Variants in PLXNB1 observed in about 807,000 individuals in gnomAD.
PLXNB1 encodes the protein plexin-B1.
A neutral mutation model predicts 209.4 loss-of-function variants in PLXNB1; 106 were observed. The observed-to-expected ratio is 0.51, with a 90% CI of 0.43 to 0.59. PLXNB1 has a LOEUF of 0.59. Ranked by LOEUF, PLXNB1 falls within the 20% of genes least tolerant of loss-of-function variation. The pLI, the probability that PLXNB1 is intolerant of heterozygous loss-of-function variation, is 0.00. For synonymous variants in PLXNB1, 1,167 were observed against 1,183.2 expected, an observed-to-expected ratio of 0.99 and a Z score of 0.28; for missense variants, 2,357 against 2,853.2, an observed-to-expected ratio of 0.83 and a Z score of 3.96.
At position 48,410,368 on chromosome 3, in the gene PLXNB1, C is replaced by T. The variant is rs1303550336; in HGVS notation, c.5533G>A (p.Ala1845Thr). 1.2e-6 allele frequency: 2 copies of T among 1,613,438 alleles called. No individual in the cohort carries two copies. Among genetic ancestry groups the T allele is most frequent in the African/African-American group, 2.7e-5 (2 of 74,902 alleles). The change falls in exon 31 of 38, where the codon GCA becomes ACA. Residue 1845 changes from alanine (A) to threonine (T), a missense_variant. Ala to Thr is a moderately conservative substitution (Grantham distance 58). This residue lies in a region of PLXNB1 where 414 missense variants were observed against 520.5 expected (regional missense o/e 0.80). Coordinates refer to ENST00000296440, the MANE Select transcript of PLXNB1 (RefSeq NM_001130082.3). The surrounding 1 kb of genome is among the most constrained non-coding windows in gnomAD (Gnocchi z 6.4). ...TLQHYKVPDGATVALVPCLTK... is the reference protein window; with the variant it reads ...TLQHYKVPDGTTVALVPCLTK... ...AGGCAGGGGACGAGGGCCACAGTTG[C>T]TCCATCTGGGACCTGCTGAGCACAG...
At chr3:48,422,997 G>A (rs745377795) in intron 3 of PLXNB1, 50 bp from the exon 4 acceptor site, 22 of 1,536,120 alleles carry the variant, frequency 1.4e-5, no homozygotes, top group Admixed American at 1.0e-4. Flanking sequence ...TAACCTCCTC[G>A]GCCGCATCGT....
In PLXNB1 at chr3:48,405,368, A is replaced by T. The variant is rs928325197; in HGVS notation, c.6303+356T>A. On this transcript the variant is annotated intron_variant, in intron 37 of 37. Transcript: ENST00000296440. The surrounding 1 kb of genome is among the most constrained non-coding windows in gnomAD (Gnocchi z 5.0). ...GCCTGGACTCTCCTCTTCGCAGCTC[A>T]TGCAGCCAAGCCAGGCCTGCACTTG... is the stretch of plus-strand genomic sequence containing the variant. 6.6e-6 allele frequency among the ~76,000 whole-genome samples: 1 copy of T among 152,160 alleles called. No individual in the cohort carries two copies. Among genetic ancestry groups the T allele is most frequent in the African/African-American group, 2.4e-5 (1 of 41,446 alleles).
At position 48,415,175 on chromosome 3, in the gene PLXNB1, C is replaced by T. The variant is rs200152957; in HGVS notation, c.3966+1G>A. 6 of 1,610,958 alleles carry T rather than the reference C, an allele frequency of 3.7e-6. No homozygotes were observed. The African/African-American group carries it at 8.0e-5, about 21-fold the overall frequency. ...TGTGGGGGTACCCAAGGGTGTCCTA[C>T]TTGCTGGCTACTGCAGGAGGGTCCA... is the stretch of plus-strand genomic sequence containing the variant. On this transcript the variant is annotated splice_donor_variant, in intron 20 of 37. Coordinates refer to ENST00000296440, the MANE Select transcript of PLXNB1 (RefSeq NM_001130082.3). LOFTEE classifies it high-confidence loss of function. The surrounding 1 kb of genome is among the most constrained non-coding windows in gnomAD (Gnocchi z 5.0).
Position 48,410,350 on chromosome 3 carries a change from G to A in PLXNB1, c.5551C>T (p.Pro1851Ser). The change falls in exon 31 of 38, where the codon CCC (proline) becomes TCC (serine). Residue 1851 changes from proline to serine, a missense_variant. This residue lies in a region of PLXNB1 where 414 missense variants were observed against 520.5 expected (regional missense o/e 0.80). Coordinates refer to ENST00000296440, the MANE Select transcript of PLXNB1 (RefSeq NM_001130082.3). The surrounding 1 kb of genome is among the most constrained non-coding windows in gnomAD (Gnocchi z 6.4). ...CGGAGCACATGCTTGGTGAGGCAGG[G>A]GACGAGGGCCACAGTTGCTCCATCT... ...VPDGATVALV[P>S]CLTKHVLREN... The A allele has an allele frequency of 6.2e-7, 1 of 1,613,430 alleles. No individual in the cohort carries two copies. Among genetic ancestry groups the A allele is most frequent in the Non-Finnish European group, 8.5e-7 (1 of 1,179,594 alleles).
intron 6 of PLXNB1, 37 bp from the exon 7 acceptor site, chr3:48,421,843 TG>T: frequency 6.3e-7 from 1 of 1,578,602 alleles, no homozygotes. Context: ...GTGACCCTCA[TG>T]GGCCACTGGG....
In PLXNB1 at chr3:48,405,490, C is replaced by G. The variant is rs577463283; in HGVS notation, c.6303+234G>C. On this transcript the variant is annotated intron_variant, in intron 37 of 37. Transcript: ENST00000296440. This position sits in a 1 kb window ranked among gnomAD's most constrained non-coding sequence, Gnocchi z 5.0. ...GGCCCCCACAACCACCAGCACTGTG[C>G]CTCGCCGTCCTGCTGGGGAGCTGGA... Among the ~76,000 whole-genome samples the G allele has an allele frequency of 2.5e-4, 38 of 152,338 alleles. 1 individual carries two copies. In the South Asian group the frequency reaches 7.2e-3, roughly 29 times the overall value.
At position 48,416,488 on chromosome 3, in the gene PLXNB1, C is replaced by T; in HGVS notation, c.3375-37G>A. ...GGGCAGGCTAGGGGGTGCCAGGCTG[C>T]ATCAAGGGCCCCTCAAGCTTACCTG... On this transcript the variant is annotated intron_variant, in intron 16 of 37. Transcript: ENST00000296440. This position sits in a 1 kb window ranked among gnomAD's most constrained non-coding sequence, Gnocchi z 4.1. The T allele has an allele frequency of 6.9e-7, 1 of 1,442,524 alleles. No homozygotes were observed. The highest frequency in any genetic ancestry group is 9.6e-7 in the Non-Finnish European group (1 of 1,038,198). 89.4% of individuals were successfully genotyped at this position (1,442,524 alleles called of 1,614,324 possible). A position where few individuals can be genotyped will look rare whatever the true frequency, so the allele number is the denominator to read the frequency against.
In PLXNB1 at chr3:48,418,578, G is replaced by A. The variant is rs1299293448; in HGVS notation, c.2956-36C>T. The stretch of plus-strand genomic sequence containing the variant: ...GGGAGTGGGTTCAGAGTCAAGCACT[G>A]GGGGAAGTGTCAGGCCTGGGGAGGG... On this transcript the variant is annotated intron_variant, in intron 13 of 37. Transcript: ENST00000296440. This position sits in a 1 kb window ranked among gnomAD's most constrained non-coding sequence, Gnocchi z 6.6. The A allele has an allele frequency of 3.3e-6, 5 of 1,527,222 alleles. No individual in the cohort carries two copies. Among genetic ancestry groups the A allele is most frequent in the Non-Finnish European group, 3.6e-6 (4 of 1,120,996 alleles). The allele number at this position is 1,527,222 out of a possible 1,614,324, so 94.6% of individuals were successfully genotyped here.
Position 48,419,358 on chromosome 3 carries a change from C to T in PLXNB1, c.2718G>A (p.Ala906=), listed in dbSNP as rs761706218. 14 of 1,562,788 alleles carry T rather than the reference C, an allele frequency of 9.0e-6. No individual in the cohort carries two copies. The highest frequency in any genetic ancestry group is 3.7e-5 in the Admixed American group (2 of 53,834). Residue 906 remains alanine (A), a synonymous_variant, in exon 12 of 38, where the codon GCG becomes GCA. Coordinates refer to ENST00000296440, the MANE Select transcript of PLXNB1 (RefSeq NM_001130082.3). The surrounding 1 kb of genome is among the most constrained non-coding windows in gnomAD (Gnocchi z 5.7). ...DTPGLWELEE[A]TLGASSCPCV... ...AGGGGCAGGAGCTTGCCCCCAAGGT[C>T]GCCTCTTCCTGCAGGCACCAAGGGC...
rs2037290196 is a variant in PLXNB1, at chr3:48,405,866, G to A, written c.6229-68C>T. On this transcript the variant is annotated intron_variant, in intron 36 of 37. Transcript: ENST00000296440. The surrounding 1 kb of genome is among the most constrained non-coding windows in gnomAD (Gnocchi z 5.0). ...CAGAGAGCCACAGGAGGCAGCCCAG[G>A]ACCCCAGGGAAGGGCTGGGGGAGAA... is the stretch of plus-strand genomic sequence containing the variant. 7.7e-7 allele frequency: 1 copy of A among 1,301,812 alleles called. No homozygotes were observed. The highest frequency in any genetic ancestry group is 1.2e-5 in the South Asian group (1 of 83,514). 80.6% of individuals were successfully genotyped at this position (1,301,812 alleles called of 1,614,324 possible). A position where few individuals can be genotyped will look rare whatever the true frequency, so the allele number is the denominator to read the frequency against.
rs762123376 is a variant in PLXNB1 at position 48,410,295 on chromosome 3, C to T, written c.5605+1G>A. 9 of 1,604,134 alleles carry T rather than the reference C, an allele frequency of 5.6e-6. No individual in the cohort carries two copies. Among genetic ancestry groups the T allele is most frequent in the African/African-American group, 1.3e-5 (1 of 74,968 alleles). ...AGGACCGTGATGGGAGCGGTACTCA[C>T]GCTCTCCAGGGACATAATCCTGGTT... On this transcript the variant is annotated splice_donor_variant, in intron 31 of 37. Transcript: ENST00000296440. LOFTEE classifies it high-confidence loss of function. This position sits in a 1 kb window ranked among gnomAD's most constrained non-coding sequence, Gnocchi z 6.4.
intron 6 of PLXNB1, 82 bp from the exon 7 acceptor site, chr3:48,421,888 G>A: frequency 6.5e-7 from 1 of 1,531,722 alleles, no homozygotes; most frequent in Non-Finnish European, 8.8e-7. Flanking sequence ...CAATCTGGAG[G>A]ACCTGGGCAG....
Position 48,424,081 on chromosome 3 carries a change from C to G in PLXNB1, c.531G>C (p.Val177=), listed in dbSNP as rs371214649. The stretch of plus-strand genomic sequence containing the variant: ...TTGTGATGGGTGGAATGCCACCCCC[C>G]ACACCCCTGCTGGTGTATCCTCGCC... ...FVGRGYTSRG[V]GGGIPPITTR... is the part of the protein sequence containing the mutation. The change falls in exon 3 of 38, where the codon GTG becomes GTC. Residue 177 remains valine (V), a synonymous_variant. Transcript: ENST00000296440. The G allele has an allele frequency of 3.1e-5, 48 of 1,567,742 alleles. No homozygotes were observed. Among genetic ancestry groups the G allele is most frequent in the Middle Eastern group, 1.9e-4 (1 of 5,206 alleles).
At position 48,409,007 on chromosome 3, in the gene PLXNB1, C is replaced by A. The variant is rs1170939787; in HGVS notation, c.6087+322G>T. Reference sequence around the variant, plus strand: ...GTCACATAACTTCCCTGTTCCCAGACCTTCTGTGGCTCCCACTGCCCCAGG... The same window carrying A: ...GTCACATAACTTCCCTGTTCCCAGAACTTCTGTGGCTCCCACTGCCCCAGG... On this transcript the variant is annotated intron_variant, in intron 34 of 37. Coordinates refer to ENST00000296440, the MANE Select transcript of PLXNB1 (RefSeq NM_001130082.3). The surrounding 1 kb of genome is among the most constrained non-coding windows in gnomAD (Gnocchi z 5.8). 2.6e-5 allele frequency among the ~76,000 whole-genome samples: 4 copies of A among 152,232 alleles called. No individual in the cohort carries two copies. The highest frequency in any genetic ancestry group is 1.9e-4 in the East Asian group (1 of 5,200).
In PLXNB1 at chr3:48,424,264, CT is replaced by C. The variant is rs2038757191; in HGVS notation, c.347del (p.Gln116ArgfsTer41). On this transcript the variant is annotated frameshift_variant, in exon 3 of 38. Transcript: ENST00000296440. LOFTEE classifies it high-confidence loss of function. ...GALVVCGSVH[Q>X]GVCEQRRLGQ... is the part of the protein sequence containing the mutation. The stretch of plus-strand genomic sequence containing the variant: ...CCAGGCGCCGCTGTTCACAGACCCC[CT>C]GGTGCACGCTCCCGCATACCACCAG... The C allele has an allele frequency of 1.3e-6, 2 of 1,596,878 alleles. No individual in the cohort carries two copies. The highest frequency in any genetic ancestry group is 1.3e-5 in the African/African-American group (1 of 74,572).
chr3:48,418,636 A>G lies in PLXNB1; in HGVS notation c.2956-94T>C. The stretch of plus-strand genomic sequence containing the variant: ...AGAGAAAGGACTAAAACGACCAGTT[A>G]GGAGCATAGGGTCAGAGGGACCCCA... On this transcript the variant is annotated intron_variant, in intron 13 of 37. Transcript: ENST00000296440. The surrounding 1 kb of genome is among the most constrained non-coding windows in gnomAD (Gnocchi z 6.6). 8.8e-7 allele frequency: 1 copy of G among 1,136,780 alleles called. No individual in the cohort carries two copies. Among genetic ancestry groups the G allele is most frequent in the Admixed American group, 2.0e-5 (1 of 49,950 alleles). The allele number at this position is 1,136,780 out of a possible 1,614,324, so 70.4% of individuals were successfully genotyped here. A position where few individuals can be genotyped will look rare whatever the true frequency, so the allele number is the denominator to read the frequency against.
Position 48,415,227 on chromosome 3 carries a change from G to T in PLXNB1, c.3915C>A (p.Arg1305=), listed in dbSNP as rs776160061. 6.2e-7 allele frequency: 1 copy of T among 1,613,452 alleles called. No individual in the cohort carries two copies. Among genetic ancestry groups the T allele is most frequent in the Non-Finnish European group, 8.5e-7 (1 of 1,180,008 alleles). The change falls in exon 20 of 38, where the codon CGC becomes CGA. Residue 1305 remains arginine (R), a synonymous_variant. Coordinates refer to ENST00000296440, the MANE Select transcript of PLXNB1 (RefSeq NM_001130082.3). The surrounding 1 kb of genome is among the most constrained non-coding windows in gnomAD (Gnocchi z 5.0). ...GGGAACATGCCGTCTCCGGGACCAC[G>T]CGACGCCTCCGTCCAAGCCCCTGGC... ...QPSQGLGRRR[R]VVPETACSLG...
At chr3:48,408,677 A>G (rs936281273) in intron 34 of PLXNB1, among the ~76,000 whole-genome samples, 1 of 151,984 alleles carries the variant, frequency 6.6e-6, no homozygotes, top group African/African-American at 2.4e-5. Flanking sequence ...ATTAAACCCA[A>G]TCAGCAGCCC....
intron 3 of PLXNB1, 34 bp from the exon 4 acceptor site, chr3:48,422,981 C>T (rs757326507): frequency 6.3e-7 from 1 of 1,586,902 alleles, no homozygotes; most frequent in African/African-American, 1.3e-5. Flanking sequence ...GAAGGCCCTC[C>T]CTGGATAACC....
Sources: allele counts gnomAD v4.1 joint callset (sites outside exome capture counted in the v4.1 genomes callset), GRCh38; gene constraint gnomAD v4.1.1; regional missense constraint gnomAD v4.1.1; non-coding constraint Gnocchi (gnomAD v3.1); transcripts MANE v1.5; gene names NCBI Gene and HGNC (gene_info 2026-07-23, HGNC 2026-07-21).